STRBP: variants seen among roughly 807,000 people sequenced by gnomAD.
STRBP encodes the protein spermatid perinuclear RNA-binding protein.
Under a neutral mutation model 80.1 loss-of-function variants are expected in STRBP, and 13 were observed. The ratio of observed to expected loss-of-function variants is 0.16; its 90% CI spans 0.11 to 0.26. The LOEUF is 0.26. Ranked by LOEUF, STRBP falls within the 10% of genes least tolerant of loss-of-function variation. STRBP has a pLI of 1.00. For missense variants in STRBP, 485 were observed against 815.2 expected (o/e 0.59, Z 4.93); for synonymous variants, 284 against 291.2 (o/e 0.98, Z 0.25).
chr9:123,245,628 T>C (rs1384290521), intron 1 of STRBP, among the ~76,000 whole-genome samples: 3 of 152,092 alleles, frequency 2.0e-5, no homozygotes, highest in Admixed American at 1.3e-4. Context: ...TGATCCGCCC[T>C]CCTCAGCCTC....
chr9:123,264,800 C>A (rs1409282158), intron 1 of STRBP, among the ~76,000 whole-genome samples: 5 of 152,174 alleles, frequency 3.3e-5, no homozygotes, highest in African/African-American at 7.2e-5. Context: ...TTTCACTGAA[C>A]AATACATATA....
chr9:123,184,352 AAT>A, intron 2 of STRBP, 54 bp from the exon 3 acceptor site: 1 of 425,218 alleles, frequency 2.4e-6, no homozygotes, highest in East Asian at 3.5e-5. Flanking sequence ...ATTAGCTTCC[AAT>A]ATGAGTGTGC....
chr9:123,266,301 C>T (rs2041265643), intron 1 of STRBP, among the ~76,000 whole-genome samples: 1 of 152,094 alleles, frequency 6.6e-6, no homozygotes, highest in East Asian at 1.9e-4. Context: ...CCCCTTCCCC[C>T]TTCCTCATTT....
rs1173165108 is a variant in STRBP, at chr9:123,132,971, G to A, written c.1774-3C>T. 1.2e-6 allele frequency: 2 copies of A among 1,609,628 alleles called. No homozygotes were observed. Among genetic ancestry groups the A allele is most frequent in the Admixed American group, 3.4e-5 (2 of 58,972 alleles). ...GCTGTATTCACAACGCCCTTTGCCT[G>A]TTAAAATAACACATTTTCATTACTG... On this transcript the variant is annotated splice_region_variant and splice_polypyrimidine_tract_variant and intron_variant, in intron 16 of 18. Coordinates refer to ENST00000348403, the MANE Select transcript of STRBP (RefSeq NM_018387.5).
chr9:123,111,687 G>C (rs1311121346), intron 3 of STRBP: 6 of 459,876 alleles, frequency 1.3e-5, no homozygotes, highest in Non-Finnish European at 2.7e-5. Flanking sequence ...GCCAGGGACA[G>C]GCTGCATTCT....
chr9:123,225,899 G>T (rs1323158775), intron 2 of STRBP, among the ~76,000 whole-genome samples: 2 of 152,126 alleles, frequency 1.3e-5, no homozygotes, highest in African/African-American at 4.8e-5. Context: ...CAGTTTGGTG[G>T]TTTTTTATAA....
chr9:123,248,900 T>A (rs990356063), intron 1 of STRBP, among the ~76,000 whole-genome samples: 1 of 152,226 alleles, frequency 6.6e-6, no homozygotes, highest in African/African-American at 2.4e-5. Context: ...GGAACCGTTT[T>A]TCATAATTCA....
At position 123,115,356 on chromosome 9, in the gene STRBP, C is replaced by T. The variant is rs1020894810; in HGVS notation, c.*84+573G>A. The T allele has an allele frequency of 2.5e-5, 12 of 471,058 alleles. No individual in the cohort carries two copies. In the East Asian group the frequency reaches 2.8e-4, roughly 11 times the overall value. 29.2% of individuals were successfully genotyped at this position (471,058 alleles called of 1,614,324 possible). On this transcript the variant is annotated intron_variant and NMD_transcript_variant, in intron 3 of 3. Coordinates refer to the STRBP transcript ENST00000471564. This position sits in a 1 kb window ranked among gnomAD's most constrained non-coding sequence, Gnocchi z 5.0. ...CTGCCCTCGGCGGGAGACCTGGGAA[C>T]GGGCCTGCCAGCGCCCAGCCCAGGG...
Position 123,240,705 on chromosome 9 carries a change from G to C in STRBP, c.-301-3739C>G, listed in dbSNP as rs189882877. On this transcript the variant is annotated intron_variant, in intron 1 of 18. Transcript: ENST00000348403. Reference sequence around the variant, plus strand: ...CTCCTCCAGACCTCATAATGTGCCAGTGCTCCAAGGCTCTGTCCCAGGCCC... The same window carrying C: ...CTCCTCCAGACCTCATAATGTGCCACTGCTCCAAGGCTCTGTCCCAGGCCC... Among the ~76,000 whole-genome samples the C allele has an allele frequency of 1.7e-3, 262 of 152,302 alleles. 2 individuals carry two copies. Among genetic ancestry groups the C allele is most frequent in the Non-Finnish European group, 3.1e-3 (209 of 68,016 alleles).
chr9:123,217,922 T>C (rs557773259), intron 2 of STRBP, among the ~76,000 whole-genome samples: 3 of 152,384 alleles, frequency 2.0e-5, no homozygotes, highest in Non-Finnish European at 2.9e-5. Context: ...AATGGCTTTA[T>C]ACAATTTCTC....
At chr9:123,143,171 A>T (rs2036664227) in intron 13 of STRBP, among the ~76,000 whole-genome samples, 1 of 152,124 alleles carries the variant, frequency 6.6e-6, no homozygotes, top group Non-Finnish European at 1.5e-5. Context: ...GTCTCTAAGA[A>T]CCTCTCCAAA....
chr9:123,246,674 T>G (rs1478545071), intron 1 of STRBP, among the ~76,000 whole-genome samples: 9 of 152,232 alleles, frequency 5.9e-5, no homozygotes, highest in Non-Finnish European at 1.2e-4. Flanking sequence ...TTTAAATATG[T>G]GTAATCTTTT....
At chr9:123,212,063 A>G (rs1015707502) in intron 2 of STRBP, among the ~76,000 whole-genome samples, 2 of 152,232 alleles carry the variant, frequency 1.3e-5, no homozygotes, top group Non-Finnish European at 2.9e-5. Context: ...TCTGAATAAG[A>G]AAAGTAAAAT....
intron 2 of STRBP, among the ~76,000 whole-genome samples, chr9:123,192,472 G>A (rs1305982389): frequency 6.6e-6 from 1 of 152,178 alleles, no homozygotes; most frequent in African/African-American, 2.4e-5. Context: ...TGGGTGCAGT[G>A]ACACAGGCCT....
At chr9:123,223,810 T>A (rs1392763395) in intron 2 of STRBP, among the ~76,000 whole-genome samples, 1 of 152,206 alleles carries the variant, frequency 6.6e-6, no homozygotes, top group Non-Finnish European at 1.5e-5. Flanking sequence ...ATGTGCTTTA[T>A]AATTAACAGA....
downstream of STRBP, among the ~76,000 whole-genome samples, chr9:123,117,614 G>C (rs1166148041): frequency 6.6e-6 from 1 of 152,144 alleles, no homozygotes; most frequent in Admixed American, 6.5e-5. Context: ...TCTGCAATCT[G>C]CCACCACCCA....
intron 1 of STRBP, among the ~76,000 whole-genome samples, chr9:123,255,714 G>C (rs754327114): frequency 6.6e-6 from 1 of 152,118 alleles, no homozygotes; most frequent in Non-Finnish European, 1.5e-5. Context: ...TCTCTTTCTG[G>C]GAGTTAGCTA....
chr9:123,245,801 G>A (rs1315572943), intron 1 of STRBP, among the ~76,000 whole-genome samples: 1 of 152,152 alleles, frequency 6.6e-6, no homozygotes, highest in Admixed American at 6.5e-5. Context: ...ATGTTAATAA[G>A]ATTATTAACA....
At chr9:123,216,741 T>C (rs1416246208) in intron 2 of STRBP, among the ~76,000 whole-genome samples, 1 of 152,238 alleles carries the variant, frequency 6.6e-6, no homozygotes, top group Non-Finnish European at 1.5e-5. Context: ...TAAAACTGAT[T>C]ACCTTGGCAA....
Sources: gnomAD v4.1 joint callset for allele counts (sites outside exome capture counted in the v4.1 genomes callset) on GRCh38, gnomAD v4.1.1 for gene constraint, Gnocchi (gnomAD v3.1) non-coding constraint, MANE v1.5 for transcripts, NCBI Gene and HGNC (gene_info 2026-07-23, HGNC 2026-07-21) for gene names.